Variants in TMX3 observed in about 807,000 individuals in gnomAD.
TMX3 encodes the protein thioredoxin related transmembrane protein 3, also known as protein disulfide-isomerase TMX3.
A neutral mutation model predicts 64.4 loss-of-function variants in TMX3; 40 were observed. That is an observed-to-expected ratio of 0.62 (90% confidence interval 0.48 to 0.81). The LOEUF (loss-of-function observed/expected upper bound fraction) is 0.81. Among genes scored for constraint, TMX3 ranks in the 30% least tolerant of loss-of-function variants. TMX3 has a pLI of 0.00. For missense variants in TMX3, 497 were observed against 534.5 expected, an observed-to-expected ratio of 0.93 and a Z score of 0.69; for synonymous variants, 189 against 175.7, an observed-to-expected ratio of 1.08 and a Z score of -0.60.
chr18:68,714,791 C>CG (rs1568210989), intron 1 of TMX3, 145 bp downstream of exon 1: 5 of 1,153,668 alleles, frequency 4.3e-6, no homozygotes, highest in Middle Eastern at 5.8e-4. Context: ...GGTGGCGCGG[C>CG]GGGGGCGGCA....
At chr18:68,698,143 A>G (rs1915298856) in intron 6 of TMX3, 112 bp from the exon 7 acceptor site, 2 of 690,722 alleles carry the variant, frequency 2.9e-6, no homozygotes, top group Non-Finnish European at 4.8e-6. Context: ...ATAATATATC[A>G]ACTGCATTTT....
chr18:68,686,692 A>G (rs1913993997), intron 10 of TMX3: 1 of 979,540 alleles, frequency 1.0e-6, no homozygotes, highest in East Asian at 1.1e-4. Context: ...GGCGACAGAG[A>G]GAGACTCCAT....
chr18:68,690,507 A>G (rs1412158515), intron 9 of TMX3, among the ~76,000 whole-genome samples: 1 of 152,206 alleles, frequency 6.6e-6, no homozygotes, highest in African/African-American at 2.4e-5. Context: ...GCCCTAGGTC[A>G]GAGCACGGTT....
At chr18:68,691,186 G>A (rs559217209) in intron 9 of TMX3, 109 bp downstream of exon 9, 22 of 647,790 alleles carry the variant, frequency 3.4e-5, no homozygotes, top group Non-Finnish European at 4.8e-5. Flanking sequence ...CATGAGAACT[G>A]TTATTCTCAT....
intron 12 of TMX3, among the ~76,000 whole-genome samples, chr18:68,683,767 T>C (rs80167064): frequency 0.022 from 3,277 of 152,238 alleles, 109 homozygotes; most frequent in African/African-American, 0.074. Flanking sequence ...CCCTTATCCA[T>C]AGATTCACTT....
intron 13 of TMX3, among the ~76,000 whole-genome samples, chr18:68,682,368 T>C (rs577391434): frequency 6.6e-6 from 1 of 152,310 alleles, no homozygotes; most frequent in African/African-American, 2.4e-5. Context: ...ATCATAATTT[T>C]AGATAAAAAT....
chr18:68,687,051 T>C, intron 10 of TMX3: 2 of 982,152 alleles, frequency 2.0e-6, no homozygotes, highest in African/African-American at 1.7e-5. Flanking sequence ...CTACTTATCA[T>C]AAAGCTATTA....
intron 9 of TMX3, 169 bp from the exon 10 acceptor site, chr18:68,687,934 A>T (rs1227065071): frequency 2.4e-6 from 1 of 417,054 alleles, no homozygotes; most frequent in East Asian, 3.7e-5. Flanking sequence ...AGAAGGATTA[A>T]TGCACAAAGC....
chr18:68,677,084 T>A lies in TMX3; in HGVS notation c.1214A>T (p.Tyr405Phe). The part of the protein sequence containing the change: ...GIYTADTDGG[Y>F]IEERYEVSKS... ...AGACACTTCATATCGTTCTTCTATA[T>A]AACCTCCATCTGTGTCGGCTGTGTA... The change falls in exon 16 of 16, where the codon TAT becomes TTT. Residue 405 changes from tyrosine (Y) to phenylalanine (F), a missense_variant. Physicochemically the swap from Tyr to Phe is conservative, Grantham distance 22. Transcript: ENST00000299608. 1 of 1,613,884 alleles carries A rather than the reference T, an allele frequency of 6.2e-7. No homozygotes were observed. The highest frequency in any genetic ancestry group is 1.1e-5 in the South Asian group (1 of 91,084).
intron 2 of TMX3, among the ~76,000 whole-genome samples, chr18:68,713,641 G>A (rs2145156654): frequency 6.6e-6 from 1 of 152,202 alleles, no homozygotes; most frequent in Non-Finnish European, 1.5e-5. Context: ...AAAAGAATAT[G>A]TAAAAGTTTG....
chr18:68,685,539 C>T (rs943621718), intron 10 of TMX3, among the ~76,000 whole-genome samples: 4 of 152,152 alleles, frequency 2.6e-5, no homozygotes, highest in Admixed American at 2.6e-4. Flanking sequence ...AAAATGTCTA[C>T]AACATGCAGA....
intron 4 of TMX3, among the ~76,000 whole-genome samples, chr18:68,709,385 C>A (rs2031035933): frequency 6.6e-6 from 1 of 152,086 alleles, no homozygotes; most frequent in African/African-American, 2.4e-5. Flanking sequence ...GGGCATACAG[C>A]CTCTGTCACA....
chr18:68,701,937 C>G (rs1249077749), intron 4 of TMX3, 147 bp from the exon 5 acceptor site: 8 of 581,514 alleles, frequency 1.4e-5, no homozygotes, highest in Non-Finnish European at 2.1e-5. Flanking sequence ...TAAAATCACA[C>G]AAAAGAAAAA....
At chr18:68,707,102 C>T (rs1045180851) in intron 4 of TMX3, among the ~76,000 whole-genome samples, 1 of 152,096 alleles carries the variant, frequency 6.6e-6, no homozygotes, top group Admixed American at 6.5e-5. Context: ...CACCAGTACC[C>T]TGGTATGTGC....
intron 6 of TMX3, among the ~76,000 whole-genome samples, chr18:68,699,229 C>T (rs916320440): frequency 6.6e-6 from 1 of 152,116 alleles, no homozygotes; most frequent in Admixed American, 6.6e-5. Context: ...TGATGCAACT[C>T]CAGAACTGAC....
At chr18:68,708,085 A>ATG (rs573845501) in intron 4 of TMX3, among the ~76,000 whole-genome samples, 4 of 151,066 alleles carry the variant, frequency 2.6e-5, no homozygotes, top group Admixed American at 6.7e-5. Context: ...GTGTATATAT[A>ATG]TGTGTGTATA....
intron 6 of TMX3, among the ~76,000 whole-genome samples, chr18:68,700,131 G>GA (rs1470192698): frequency 1.3e-5 from 2 of 152,082 alleles, no homozygotes; most frequent in South Asian, 2.1e-4. Context: ...TCGAAATCTG[G>GA]AAAATGTATT....
intron 9 of TMX3, chr18:68,689,029 T>C (rs1297013682): frequency 6.6e-6 from 1 of 152,176 alleles, no homozygotes; most frequent in Non-Finnish European, 1.5e-5. Context: ...AACCTGCACA[T>C]GTAGACTCTG....
At chr18:68,701,864 A>C in intron 4 of TMX3, 74 bp from the exon 5 acceptor site, 2 of 1,247,174 alleles carry the variant, frequency 1.6e-6, no homozygotes, top group Non-Finnish European at 2.3e-6. Context: ...TGAGGCTTTT[A>C]CTTTAAAAAT....
Sources: allele counts gnomAD v4.1 joint callset (sites outside exome capture counted in the v4.1 genomes callset), GRCh38; gene constraint gnomAD v4.1.1; transcripts MANE v1.5; gene names NCBI Gene and HGNC (gene_info 2026-07-23, HGNC 2026-07-21).